Variants in MCMBP observed in about 807,000 individuals in gnomAD.
The protein encoded by MCMBP is mini-chromosome maintenance complex-binding protein.
A neutral mutation model predicts 81.3 loss-of-function variants in MCMBP; 31 were observed. The ratio of observed to expected loss-of-function variants is 0.38; its 90% CI spans 0.29 to 0.51. The LOEUF is 0.51. MCMBP is among the 20% of genes least tolerant of loss of function. The pLI is 0.87. For synonymous variants in MCMBP, 267 were observed against 275.9 expected, an observed-to-expected ratio of 0.97 and a Z score of 0.32; for missense variants, 645 against 772.1, an observed-to-expected ratio of 0.84 and a Z score of 1.95.
At chr10:119,872,309 G>T (rs1343185046) in intron 1 of MCMBP, among the ~76,000 whole-genome samples, 1 of 152,012 alleles carries the variant, frequency 6.6e-6, no homozygotes, top group South Asian at 2.1e-4. Flanking sequence ...GCTGCGACTC[G>T]GGCAGGTGGG....
Position 119,850,859 on chromosome 10 carries a change from AG to A in MCMBP, c.575-1284del, listed in dbSNP as rs200338385. Among the ~76,000 whole-genome samples the A allele has an allele frequency of 9.1e-3, 1,365 of 149,624 alleles. 11 individuals carry two copies. Among genetic ancestry groups the A allele is most frequent in the Middle Eastern group, 0.022 (6 of 274 alleles). On this transcript the variant is annotated intron_variant, in intron 6 of 15. Coordinates refer to ENST00000369077, the MANE Select transcript of MCMBP (RefSeq NM_001256378.2). Reference sequence around the variant, plus strand: ...ACCACTGGGGGAAGTAGAGGCTAAAAGGTATACAAGATCTGTTTTTTTTTTT... The same window carrying A: ...ACCACTGGGGGAAGTAGAGGCTAAAAGTATACAAGATCTGTTTTTTTTTTT...
At chr10:119,849,365 C>G (rs1365730585) in intron 7 of MCMBP, 60 bp downstream of exon 7, 6 of 1,538,266 alleles carry the variant, frequency 3.9e-6, no homozygotes, top group Non-Finnish European at 5.3e-6. Flanking sequence ...TGCTCAGACA[C>G]TAAGCTACTT....
intron 8 of MCMBP, among the ~76,000 whole-genome samples, chr10:119,846,020 G>A (rs1446488470): frequency 2.0e-5 from 3 of 152,110 alleles, no homozygotes; most frequent in Non-Finnish European, 2.9e-5. Context: ...ATGTGGGTGC[G>A]TATATATGTA....
chr10:119,853,605 A>G (rs189841282), intron 5 of MCMBP, among the ~76,000 whole-genome samples: 1 of 152,352 alleles, frequency 6.6e-6, no homozygotes, highest in African/African-American at 2.4e-5. Flanking sequence ...GTTCAGGGCT[A>G]GTGAAGCAAC....
At chr10:119,838,736 A>G (rs759815024) in intron 11 of MCMBP, 36 bp from the exon 12 acceptor site, 9 of 1,556,790 alleles carry the variant, frequency 5.8e-6, no homozygotes, top group Middle Eastern at 1.7e-4. Context: ...CAAGAATTTA[A>G]GTTTCCCTGT....
In MCMBP at chr10:119,869,803, TGAAA is replaced by T. The variant is rs140379945; in HGVS notation, c.58+2720_58+2723del. Among the ~76,000 whole-genome samples, 6 of 152,200 alleles carry T rather than the reference TGAAA, an allele frequency of 3.9e-5. No homozygotes were observed. In the East Asian group the frequency reaches 5.8e-4, roughly 15 times the overall value. On this transcript the variant is annotated intron_variant, in intron 1 of 15. Transcript: ENST00000369077. ...AGATACAGTGACCAAATTCAGATCC[TGAAA>T]GAGAGTCAGTGAGTAGCTGGTTATC...
intron 14 of MCMBP, among the ~76,000 whole-genome samples, chr10:119,834,551 T>G (rs1165423882): frequency 6.6e-6 from 1 of 152,014 alleles, no homozygotes; most frequent in African/African-American, 2.4e-5. Context: ...GCGAGGTAGC[T>G]CACACCTCTA....
chr10:119,872,510 C>A lies in MCMBP; in HGVS notation c.58+17G>T. On this transcript the variant is annotated intron_variant, in intron 1 of 15. Coordinates refer to ENST00000369077, the MANE Select transcript of MCMBP (RefSeq NM_001256378.2). ...CTCGGCTGCCCGCCCGGCCCGCCCCCCGGCGCCGCCACTCACCGAAGAATC... is the reference window on the plus strand; with the variant it reads ...CTCGGCTGCCCGCCCGGCCCGCCCCACGGCGCCGCCACTCACCGAAGAATC... 8.4e-7 allele frequency: 1 copy of A among 1,189,770 alleles called. No homozygotes were observed. Among genetic ancestry groups the A allele is most frequent in the Non-Finnish European group, 1.0e-6 (1 of 954,984 alleles). The allele number at this position is 1,189,770 out of a possible 1,614,324, so 73.7% of individuals were successfully genotyped here.
intron 10 of MCMBP, 92 bp downstream of exon 10, chr10:119,842,380 G>A (rs1370592920): frequency 9.1e-6 from 13 of 1,429,984 alleles, no homozygotes; most frequent in East Asian, 2.3e-5. Context: ...AGCCCAATAA[G>A]GAAAACACAC....
chr10:119,832,162 G>A, intron 14 of MCMBP, 62 bp from the exon 15 acceptor site: 1 of 1,454,766 alleles, frequency 6.9e-7, no homozygotes, highest in South Asian at 1.2e-5. Context: ...AATTAACATG[G>A]TTCCTTGACT....
chr10:119,842,444 C>T, intron 10 of MCMBP, 28 bp downstream of exon 10: 1 of 1,596,582 alleles, frequency 6.3e-7, no homozygotes, highest in South Asian at 1.1e-5. Context: ...CCAAACTCCC[C>T]TAATTCCCAC....
At chr10:119,859,295 CACACACA>C in intron 2 of MCMBP, 114 bp from the exon 3 acceptor site, 1 of 849,144 alleles carries the variant, frequency 1.2e-6, no homozygotes, top group Non-Finnish European at 1.8e-6. Flanking sequence ...CACACACACA[CACACACA>C]CACCCATGCC....
intron 8 of MCMBP, among the ~76,000 whole-genome samples, chr10:119,844,588 C>T (rs1030532875): frequency 4.6e-5 from 7 of 152,170 alleles, no homozygotes; most frequent in African/African-American, 1.7e-4. Flanking sequence ...ATGGTTAATA[C>T]TTTGTCAATC....
Position 119,831,467 on chromosome 10 carries a change from T to C in MCMBP, c.*7A>G, listed in dbSNP as rs1439915753. 1.9e-6 allele frequency: 3 copies of C among 1,613,812 alleles called. No homozygotes were observed. The highest frequency in any genetic ancestry group is 1.1e-5 in the South Asian group (1 of 91,076). ...TTTGCCCATTACTCTTCATAGGTAT[T>C]ACATCTTTAAAGTTCATTTCCATTC... On this transcript the variant is annotated 3_prime_UTR_variant, in exon 16 of 16. Transcript: ENST00000369077.
rs150788131 is a variant in MCMBP at position 119,853,011 on chromosome 10, G to A, written c.574+39C>T. The stretch of plus-strand genomic sequence containing the variant: ...CACTCTGAAAACCAATCTACTGTAA[G>A]AGAGCAAAGTCTAGAGAAAACCTGT... On this transcript the variant is annotated intron_variant, in intron 6 of 15. Coordinates refer to ENST00000369077, the MANE Select transcript of MCMBP (RefSeq NM_001256378.2). 4,191 of 1,609,336 alleles carry A rather than the reference G, an allele frequency of 2.6e-3. 121 individuals are homozygous for A. In the Admixed American group the frequency reaches 0.051, roughly 19 times the overall value.
chr10:119,844,981 A>G (rs184776705), intron 8 of MCMBP, among the ~76,000 whole-genome samples: 2 of 152,240 alleles, frequency 1.3e-5, no homozygotes, highest in East Asian at 1.9e-4. Flanking sequence ...TCCCCAGCCT[A>G]TTGTGGGATT....
intron 1 of MCMBP, among the ~76,000 whole-genome samples, chr10:119,871,094 AT>A (rs1449046361): frequency 2.8e-4 from 43 of 152,322 alleles, no homozygotes; most frequent in African/African-American, 1.0e-3. Flanking sequence ...AAACTTTCTA[AT>A]ATTAGTAACT....
At chr10:119,861,891 C>A (rs1853267447) in intron 1 of MCMBP, among the ~76,000 whole-genome samples, 3 of 152,108 alleles carry the variant, frequency 2.0e-5, no homozygotes. Flanking sequence ...CAGGCACGGG[C>A]CACCACGCCT....
At chr10:119,863,227 C>T (rs1853324895) in intron 1 of MCMBP, among the ~76,000 whole-genome samples, 1 of 152,048 alleles carries the variant, frequency 6.6e-6, no homozygotes. Flanking sequence ...AACTCATTGC[C>T]AAACCCCAGG....
Sources: gnomAD v4.1 joint callset for allele counts (sites outside exome capture counted in the v4.1 genomes callset) on GRCh38, gnomAD v4.1.1 for gene constraint, MANE v1.5 for transcripts, NCBI Gene and HGNC (gene_info 2026-07-23, HGNC 2026-07-21) for gene names.